Variants in MOB3B observed in about 807,000 individuals in gnomAD.
MOB3B encodes the protein MOB kinase activator-like 2B.
A neutral mutation model predicts 18.7 loss-of-function variants in MOB3B; 7 were observed. The observed-to-expected ratio is 0.37, with a 90% confidence interval of 0.21 to 0.70. The LOEUF (loss-of-function observed/expected upper bound fraction) is 0.70. Among genes scored for constraint, MOB3B ranks in the 30% least tolerant of loss-of-function variants. The pLI, the probability that MOB3B is intolerant of heterozygous loss-of-function variation, is 0.52. For missense variants in MOB3B, 253 were observed against 281.3 expected, an observed-to-expected ratio of 0.90 and a Z score of 0.72; for synonymous variants, 111 against 99.9, an observed-to-expected ratio of 1.11 and a Z score of -0.66.
At chr9:27,454,581 A>T (rs1461692450) in intron 2 of MOB3B, among the ~76,000 whole-genome samples, 2 of 152,262 alleles carry the variant, frequency 1.3e-5, no homozygotes, top group Non-Finnish European at 2.9e-5. Flanking sequence ...CAAGTGTCCC[A>T]GTGTATCCAG....
chr9:27,422,596 C>T (rs897232029), intron 2 of MOB3B, among the ~76,000 whole-genome samples: 2 of 152,106 alleles, frequency 1.3e-5, no homozygotes, highest in East Asian at 3.8e-4. Context: ...TATGTGTTGC[C>T]AACAATTTGA....
At chr9:27,352,979 C>G (rs1475985679) in intron 3 of MOB3B, among the ~76,000 whole-genome samples, 1 of 152,160 alleles carries the variant, frequency 6.6e-6, no homozygotes, top group East Asian at 1.9e-4. Flanking sequence ...AGTCTGTTTT[C>G]ACTGACCATC....
intron 1 of MOB3B, 37 bp downstream of exon 1, chr9:27,529,518 C>T: frequency 1.0e-6 from 1 of 980,842 alleles, no homozygotes; most frequent in South Asian, 4.7e-5. Context: ...CACCGGGCTG[C>T]GCCGCCTCCC....
At chr9:27,383,068 T>C (rs7025081) in intron 2 of MOB3B, among the ~76,000 whole-genome samples, 49,117 of 151,862 alleles carry the variant, frequency 0.32, 9,109 homozygotes, top group East Asian at 0.79. Flanking sequence ...TAGACACTTA[T>C]TGTGTGGCAG....
chr9:27,377,538 TG>T (rs1283008719), intron 2 of MOB3B, among the ~76,000 whole-genome samples: 2 of 152,136 alleles, frequency 1.3e-5, no homozygotes, highest in Non-Finnish European at 2.9e-5. Flanking sequence ...GAGAAGCACC[TG>T]GAGTGCTCAC....
chr9:27,340,849 C>T (rs1434161614), intron 3 of MOB3B, among the ~76,000 whole-genome samples: 1 of 152,230 alleles, frequency 6.6e-6, no homozygotes, highest in Non-Finnish European at 1.5e-5. Flanking sequence ...CCATGGAGGT[C>T]TGCACAGTTG....
chr9:27,359,276 G>A (rs1821238208), intron 2 of MOB3B, 40 bp from the exon 3 acceptor site: 7 of 1,564,410 alleles, frequency 4.5e-6, no homozygotes, highest in Admixed American at 1.7e-5. Context: ...AACCATGATG[G>A]GATAGATCCT....
intron 1 of MOB3B, among the ~76,000 whole-genome samples, chr9:27,477,220 T>C (rs1819567112): frequency 6.6e-6 from 1 of 152,186 alleles, no homozygotes. Context: ...TCACAGGAGT[T>C]GCCTTAATAA....
chr9:27,480,007 T>C (rs1025750139), intron 1 of MOB3B, among the ~76,000 whole-genome samples: 2 of 149,934 alleles, frequency 1.3e-5, no homozygotes, highest in African/African-American at 2.5e-5. Context: ...CAGTGAGCTA[T>C]GACTGCACTA....
chr9:27,380,756 G>C (rs1821566920), intron 2 of MOB3B, among the ~76,000 whole-genome samples: 1 of 150,176 alleles, frequency 6.7e-6, no homozygotes, highest in Non-Finnish European at 1.5e-5. Flanking sequence ...GCTATTTCAG[G>C]ATCCATCCCC....
At chr9:27,485,000 G>T (rs1289211994) in intron 1 of MOB3B, among the ~76,000 whole-genome samples, 1 of 152,130 alleles carries the variant, frequency 6.6e-6, no homozygotes, top group African/African-American at 2.4e-5. Flanking sequence ...CCGGAAAATT[G>T]GCCTTGCCAG....
chr9:27,416,953 C>A (rs1176425401), intron 2 of MOB3B, among the ~76,000 whole-genome samples: 1 of 152,170 alleles, frequency 6.6e-6, no homozygotes, highest in African/African-American at 2.4e-5. Flanking sequence ...TTAGTTACAT[C>A]TGGAGTTTAG....
chr9:27,384,221 A>T (rs1348772672), intron 2 of MOB3B, among the ~76,000 whole-genome samples: 1 of 152,150 alleles, frequency 6.6e-6, no homozygotes, highest in Non-Finnish European at 1.5e-5. Flanking sequence ...AGACACCCAC[A>T]TCTCTGCCTC....
chr9:27,459,809 TC>T (rs1211997187), intron 1 of MOB3B, among the ~76,000 whole-genome samples: 1 of 151,176 alleles, frequency 6.6e-6, no homozygotes, highest in Non-Finnish European at 1.5e-5. Context: ...CAGAAAGGTT[TC>T]TTTGGCTGAA....
intron 2 of MOB3B, among the ~76,000 whole-genome samples, chr9:27,445,800 T>A (rs1457883880): frequency 6.6e-6 from 1 of 152,088 alleles, no homozygotes; most frequent in Non-Finnish European, 1.5e-5. Context: ...ATTAGGGTAA[T>A]CTTCAGCTGC....
At chr9:27,353,274 C>T (rs1440292311) in intron 3 of MOB3B, among the ~76,000 whole-genome samples, 1 of 152,182 alleles carries the variant, frequency 6.6e-6, no homozygotes. Context: ...TGCATTTCAG[C>T]AAGATCCCTG....
At chr9:27,337,985 T>C (rs1820887745) in intron 3 of MOB3B, among the ~76,000 whole-genome samples, 1 of 152,158 alleles carries the variant, frequency 6.6e-6, no homozygotes, top group African/African-American at 2.4e-5. Context: ...ATGATTCCAG[T>C]ATGCACCAAG....
intron 1 of MOB3B, among the ~76,000 whole-genome samples, chr9:27,469,310 A>C (rs975434429): frequency 1.3e-5 from 2 of 151,834 alleles, no homozygotes; most frequent in African/African-American, 4.8e-5. Context: ...GTATCATCTC[A>C]CCTCCTTTAG....
At chr9:27,345,759 G>A (rs1168367453) in intron 3 of MOB3B, among the ~76,000 whole-genome samples, 1 of 152,198 alleles carries the variant, frequency 6.6e-6, no homozygotes, top group African/African-American at 2.4e-5. Flanking sequence ...TCAACTATGT[G>A]CACTATGTGT....
Sources: gnomAD v4.1 joint callset for allele counts (sites outside exome capture counted in the v4.1 genomes callset) on GRCh38, gnomAD v4.1.1 for gene constraint, MANE v1.5 for transcripts, NCBI Gene and HGNC (gene_info 2026-07-23, HGNC 2026-07-21) for gene names.